The following ALPK1 variants were observed in gnomAD, a reference collection of about 807,000 sequenced individuals.
ALPK1 encodes alpha-protein kinase 1.
In ALPK1, 110 loss-of-function variants were observed where a neutral mutation model predicts 120.6. The ratio of observed to expected loss-of-function variants is 0.91; its 90% CI spans 0.78 to 1.07. The LOEUF (loss-of-function observed/expected upper bound fraction) is 1.07, where lower values mean the gene tolerates loss of function less well. Ranked by LOEUF, ALPK1 falls within the 50% of genes least tolerant of loss-of-function variation. The pLI, the probability that ALPK1 is intolerant of heterozygous loss-of-function variation, is 0.00. For synonymous variants in ALPK1, 582 were observed against 560.3 expected (o/e 1.04, Z -0.55); for missense variants, 1,498 against 1,483.9 (o/e 1.01, Z -0.16).
intron 2 of ALPK1, among the ~76,000 whole-genome samples, chr4:112,337,437 G>T (rs1729667794): frequency 6.6e-6 from 1 of 152,174 alleles, no homozygotes; most frequent in Non-Finnish European, 1.5e-5. Flanking sequence ...ACTCAAACTT[G>T]TAAGCCCAGC....
chr4:112,390,061 A>G (rs1560666515), intron 4 of ALPK1, among the ~76,000 whole-genome samples: 1 of 152,200 alleles, frequency 6.6e-6, no homozygotes, highest in Non-Finnish European at 1.5e-5. Context: ...CTCCATGCAC[A>G]GAGGTGTTTG....
At chr4:112,366,014 A>G (rs767001340) in intron 2 of ALPK1, among the ~76,000 whole-genome samples, 10 of 152,206 alleles carry the variant, frequency 6.6e-5, no homozygotes, top group Non-Finnish European at 1.5e-4. Flanking sequence ...ATGTAGAAGA[A>G]TAGAACTGGA....
At chr4:112,355,705 G>A (rs933717190) in intron 2 of ALPK1, among the ~76,000 whole-genome samples, 1 of 152,202 alleles carries the variant, frequency 6.6e-6, no homozygotes, top group Non-Finnish European at 1.5e-5. Flanking sequence ...GACACAGAAC[G>A]CTCAAAGGGC....
At chr4:112,378,863 C>T (rs138232291) in intron 3 of ALPK1, among the ~76,000 whole-genome samples, 2 of 152,166 alleles carry the variant, frequency 1.3e-5, no homozygotes, top group Non-Finnish European at 2.9e-5. Flanking sequence ...TTATTTGTAA[C>T]CTGTCATTTG....
intron 2 of ALPK1, among the ~76,000 whole-genome samples, chr4:112,336,343 C>A (rs1729619425): frequency 6.6e-6 from 1 of 152,042 alleles, no homozygotes. Flanking sequence ...ACAGATGTCA[C>A]TTAGTGTTAA....
At chr4:112,340,611 T>C (rs1036596735) in intron 2 of ALPK1, among the ~76,000 whole-genome samples, 2 of 152,216 alleles carry the variant, frequency 1.3e-5, no homozygotes, top group Non-Finnish European at 2.9e-5. Flanking sequence ...TTATTAAGAT[T>C]ACAAAGGGCT....
At chr4:112,378,585 G>GTT (rs926399958) in intron 3 of ALPK1, among the ~76,000 whole-genome samples, 5 of 147,618 alleles carry the variant, frequency 3.4e-5, no homozygotes, top group South Asian at 4.3e-4. Flanking sequence ...AATCTTCTGG[G>GTT]TTTTTTTTTT....
chr4:112,350,452 G>A (rs1477942889), intron 2 of ALPK1, among the ~76,000 whole-genome samples: 2 of 152,144 alleles, frequency 1.3e-5, no homozygotes, highest in Admixed American at 6.5e-5. Flanking sequence ...CATCCCTGGA[G>A]AGATGCAGCA....
Position 112,398,374 on chromosome 4 carries a change from C to G in ALPK1, c.277-13453C>G, listed in dbSNP as rs140909990. 7.9e-4 allele frequency among the ~76,000 whole-genome samples: 120 copies of G among 152,172 alleles called. 1 individual carries two copies. In the East Asian group the frequency reaches 0.023, roughly 29 times the overall value. ...ATGGTGTGATCATAGCTCACTGTAACCTCAAATTCCTCTGTTCAAGTGATC... is the reference window on the plus strand; with the variant it reads ...ATGGTGTGATCATAGCTCACTGTAAGCTCAAATTCCTCTGTTCAAGTGATC... On this transcript the variant is annotated intron_variant, in intron 4 of 15. Coordinates refer to ENST00000650871, the MANE Select transcript of ALPK1 (RefSeq NM_025144.4).
chr4:112,407,317 A>G (rs1335348171), intron 4 of ALPK1, among the ~76,000 whole-genome samples: 3 of 152,164 alleles, frequency 2.0e-5, no homozygotes, highest in Non-Finnish European at 4.4e-5. Flanking sequence ...ATTTTTTACC[A>G]CTATGAAAGA....
chr4:112,325,640 C>A (rs1729082389), intron 2 of ALPK1, among the ~76,000 whole-genome samples: 1 of 152,176 alleles, frequency 6.6e-6, no homozygotes, highest in African/African-American at 2.4e-5. Flanking sequence ...TTTGTTATCA[C>A]ACATCTCAAC....
intron 2 of ALPK1, among the ~76,000 whole-genome samples, chr4:112,351,649 T>G (rs1299643915): frequency 6.6e-6 from 1 of 152,086 alleles, no homozygotes; most frequent in Non-Finnish European, 1.5e-5. Flanking sequence ...AATTTTTGTG[T>G]TTTTAGTAGA....
At chr4:112,339,309 G>A (rs2351454) in intron 2 of ALPK1, among the ~76,000 whole-genome samples, 45,262 of 151,988 alleles carry the variant, frequency 0.3, 7,197 homozygotes, top group East Asian at 0.59. Context: ...ATATTTCTTT[G>A]GCATAAAAAT....
At chr4:112,311,906 A>G (rs1242077911) in intron 1 of ALPK1, among the ~76,000 whole-genome samples, 2 of 152,224 alleles carry the variant, frequency 1.3e-5, no homozygotes, top group African/African-American at 2.4e-5. Flanking sequence ...TAGCACGTGT[A>G]GAAACATTAC....
chr4:112,354,551 T>C (rs1357803934), intron 2 of ALPK1, among the ~76,000 whole-genome samples: 1 of 152,246 alleles, frequency 6.6e-6, no homozygotes. Flanking sequence ...CACTGCAGCC[T>C]CCGCCTCCCA....
intron 2 of ALPK1, among the ~76,000 whole-genome samples, chr4:112,317,372 C>G (rs909777218): frequency 1.1e-4 from 17 of 152,110 alleles, no homozygotes; most frequent in African/African-American, 4.1e-4. Flanking sequence ...AGTTTTAACT[C>G]TTACATTTGT....
intron 1 of ALPK1, among the ~76,000 whole-genome samples, chr4:112,305,934 A>G (rs1470649812): frequency 1.3e-5 from 2 of 151,946 alleles, no homozygotes; most frequent in Non-Finnish European, 2.9e-5. Flanking sequence ...TCAATACCTA[A>G]TTTATTGAGA....
chr4:112,394,782 G>C (rs114727305), intron 4 of ALPK1, among the ~76,000 whole-genome samples: 3 of 152,306 alleles, frequency 2.0e-5, no homozygotes, highest in East Asian at 3.9e-4. Context: ...CCTGAAGACT[G>C]AGCCAAGTCC....
At chr4:112,330,850 T>G (rs1184594091) in intron 2 of ALPK1, among the ~76,000 whole-genome samples, 1 of 152,218 alleles carries the variant, frequency 6.6e-6, no homozygotes, top group Non-Finnish European at 1.5e-5. Context: ...CAGTGTTGTA[T>G]GGACTAATGT....
Sources: allele counts gnomAD v4.1 joint callset (sites outside exome capture counted in the v4.1 genomes callset), GRCh38; gene constraint gnomAD v4.1.1; transcripts MANE v1.5; gene names NCBI Gene and HGNC (gene_info 2026-07-23, HGNC 2026-07-21).